Variants in SLC27A2 observed in about 807,000 individuals in gnomAD.
SLC27A2 encodes the protein long-chain fatty acid transport protein 2.
In SLC27A2, 54 loss-of-function variants were observed where a neutral mutation model predicts 60.0. That is an observed-to-expected ratio of 0.90 (90% CI 0.72 to 1.13). The LOEUF is 1.13. Among genes scored for constraint, SLC27A2 ranks in the 50% most tolerant of loss-of-function variants. The probability of loss-of-function intolerance (pLI) is 0.00; values close to 1 mark genes in which losing one functional copy is unlikely to be tolerated. For synonymous variants in SLC27A2, 297 were observed against 297.6 expected (o/e 1.00, Z 0.02); for missense variants, 739 against 777.6 (o/e 0.95, Z 0.59).
At chr15:50,227,314 C>G (rs2045285825) in intron 7 of SLC27A2, 136 bp downstream of exon 7, 3 of 674,708 alleles carry the variant, frequency 4.4e-6, no homozygotes, top group Non-Finnish European at 7.8e-6. Flanking sequence ...CTCCTGTGTT[C>G]CCAGAGAATG....
At chr15:50,196,850 A>G (rs1471364786) in intron 1 of SLC27A2, among the ~76,000 whole-genome samples, 3 of 152,218 alleles carry the variant, frequency 2.0e-5, no homozygotes, top group African/African-American at 4.8e-5. Flanking sequence ...ACTGATGCAT[A>G]AGAAAAAATT....
At chr15:50,226,238 T>C (rs771769153) in intron 6 of SLC27A2, 160 bp downstream of exon 6, 24 of 530,142 alleles carry the variant, frequency 4.5e-5, no homozygotes, top group Non-Finnish European at 7.9e-5. Flanking sequence ...CCAAAGGTGC[T>C]AATTTACCGC....
At chr15:50,211,471 C>T (rs528982524) in intron 4 of SLC27A2, among the ~76,000 whole-genome samples, 4 of 152,260 alleles carry the variant, frequency 2.6e-5, no homozygotes, top group African/African-American at 9.6e-5. Flanking sequence ...GGACAAAATT[C>T]TGAACAACAC....
chr15:50,183,994 C>CTTT lies in SLC27A2; in HGVS notation c.478+1105_478+1107dup, dbSNP rs577766814. On this transcript the variant is annotated intron_variant, in intron 1 of 9. Coordinates refer to ENST00000267842, the MANE Select transcript of SLC27A2 (RefSeq NM_003645.4). ...TTCGAAGCCATGCTCTTTCCTACAT[C>CTTT]TTTTTTTTTTTTTTTTTTGACAGTC... is the stretch of plus-strand genomic sequence containing the variant. 5.7e-4 allele frequency among the ~76,000 whole-genome samples: 52 copies of CTTT among 91,170 alleles called. 2 individuals carry two copies. The highest frequency in any genetic ancestry group is 1.1e-3 in the Admixed American group (7 of 6,298). 59.8% of individuals were successfully genotyped at this position (91,170 alleles called of 152,430 possible). A position where few individuals can be genotyped will look rare whatever the true frequency, so the allele number is the denominator to read the frequency against.
At chr15:50,222,908 G>A in intron 4 of SLC27A2, 57 bp from the exon 5 acceptor site, 1 of 1,332,974 alleles carries the variant, frequency 7.5e-7, no homozygotes, top group East Asian at 2.3e-5. Flanking sequence ...TTATTAATAT[G>A]TAAGCATAGG....
chr15:50,231,737 G>A (rs905640506), intron 8 of SLC27A2, among the ~76,000 whole-genome samples: 1 of 152,170 alleles, frequency 6.6e-6, no homozygotes, highest in African/African-American at 2.4e-5. Flanking sequence ...AAGGGAAGGA[G>A]ATTGACAGTC....
chr15:50,226,551 GCAA>G (rs143854013), intron 6 of SLC27A2, among the ~76,000 whole-genome samples: 2,653 of 152,230 alleles, frequency 0.017, 32 homozygotes, highest in Non-Finnish European at 0.026. Context: ...GGCCAACATG[GCAA>G]AATCCTGTCC....
chr15:50,209,388 A>C (rs1027533606), intron 4 of SLC27A2, among the ~76,000 whole-genome samples: 1 of 152,188 alleles, frequency 6.6e-6, no homozygotes, highest in East Asian at 1.9e-4. Context: ...GAGCAGAATC[A>C]GGAAGGTTCG....
intron 4 of SLC27A2, among the ~76,000 whole-genome samples, chr15:50,216,776 T>C (rs1001032848): frequency 6.9e-6 from 1 of 145,676 alleles, no homozygotes; most frequent in African/African-American, 2.5e-5. Flanking sequence ...TCCATAAAAA[T>C]ATATATATTC....
chr15:50,235,897 G>A (rs1383346269), intron 9 of SLC27A2, 23 bp from the exon 10 acceptor site: 3 of 1,581,600 alleles, frequency 1.9e-6, no homozygotes, highest in Non-Finnish European at 1.7e-6. Flanking sequence ...CAACCAAAAT[G>A]TGGATTATTT....
rs76414798 is a variant in SLC27A2, at chr15:50,210,379, C to A, written c.972+5016C>A. On this transcript the variant is annotated intron_variant, in intron 4 of 9. Coordinates refer to ENST00000267842, the MANE Select transcript of SLC27A2 (RefSeq NM_003645.4). The stretch of plus-strand genomic sequence containing the variant: ...ATCTCCCGAACACATACTGGAGAAG[C>A]TGAAGGTCTGTTTGTAGAACTTCCC... 4.6e-3 allele frequency among the ~76,000 whole-genome samples: 702 copies of A among 152,318 alleles called. 3 individuals are homozygous for A. Among genetic ancestry groups the A allele is most frequent in the African/African-American group, 0.016 (671 of 41,560 alleles).
intron 5 of SLC27A2, among the ~76,000 whole-genome samples, chr15:50,224,763 C>T (rs2045267948): frequency 6.6e-6 from 1 of 152,168 alleles, no homozygotes; most frequent in African/African-American, 2.4e-5. Context: ...GCCACATTTC[C>T]AGTGCTGAAT....
At chr15:50,230,604 T>C (rs539549702) in intron 8 of SLC27A2, among the ~76,000 whole-genome samples, 89 of 152,194 alleles carry the variant, frequency 5.8e-4, no homozygotes, top group African/African-American at 2.0e-3. Flanking sequence ...TCAGGGACAA[T>C]GACACGAGGG....
At chr15:50,208,052 C>T (rs767797654) in intron 4 of SLC27A2, among the ~76,000 whole-genome samples, 8 of 152,014 alleles carry the variant, frequency 5.3e-5, no homozygotes, top group Non-Finnish European at 7.4e-5. Flanking sequence ...GCCTAGAATA[C>T]GCTGTTGCTG....
chr15:50,223,464 T>A (rs2045258901), intron 5 of SLC27A2, among the ~76,000 whole-genome samples: 1 of 152,210 alleles, frequency 6.6e-6, no homozygotes, highest in Non-Finnish European at 1.5e-5. Context: ...GGTTACAAGT[T>A]CCGTAAGCTA....
Position 50,236,325 on chromosome 15 carries a change from G to C in SLC27A2, c.*229G>C. 1 of 391,822 alleles carries C rather than the reference G, an allele frequency of 2.6e-6. No individual in the cohort carries two copies. 24.3% of individuals were successfully genotyped at this position (391,822 alleles called of 1,614,324 possible). A position where few individuals can be genotyped will look rare whatever the true frequency, so the allele number is the denominator to read the frequency against. On this transcript the variant is annotated 3_prime_UTR_variant, in exon 10 of 10. Coordinates refer to ENST00000267842, the MANE Select transcript of SLC27A2 (RefSeq NM_003645.4). ...CTGTTTGTATTTGCAAACTGAGCTT[G>C]TTGGAGGGAAGGCATTATTTTTTAA...
intron 5 of SLC27A2, among the ~76,000 whole-genome samples, chr15:50,225,265 A>G (rs762206594): frequency 1.3e-4 from 20 of 152,270 alleles, no homozygotes; most frequent in Middle Eastern, 3.4e-3. Flanking sequence ...TCATGTTTGC[A>G]TTTTTCTTCC....
Position 50,193,112 on chromosome 15 carries a change from G to A in SLC27A2, c.479-4388G>A, listed in dbSNP as rs74014934. Among the ~76,000 whole-genome samples the A allele has an allele frequency of 7.0e-3, 1,061 of 152,246 alleles. 12 individuals carry two copies. Among genetic ancestry groups the A allele is most frequent in the African/African-American group, 0.025 (1,033 of 41,564 alleles). On this transcript the variant is annotated intron_variant, in intron 1 of 9. Coordinates refer to ENST00000267842, the MANE Select transcript of SLC27A2 (RefSeq NM_003645.4). ...AGGCCCCAGGCTGCGTTGGCTCTGG[G>A]CCTTTGCATAAGCCGTTCCACTGCC...
chr15:50,222,424 C>T (rs2045249740), intron 4 of SLC27A2, among the ~76,000 whole-genome samples: 1 of 152,190 alleles, frequency 6.6e-6, no homozygotes, highest in Non-Finnish European at 1.5e-5. Context: ...CTTTCTCTCT[C>T]TCTCTGTCGC....
Sources: gnomAD v4.1 joint callset for allele counts (sites outside exome capture counted in the v4.1 genomes callset) on GRCh38, gnomAD v4.1.1 for gene constraint, MANE v1.5 for transcripts, NCBI Gene and HGNC (gene_info 2026-07-23, HGNC 2026-07-21) for gene names.